DNM3: variants seen among roughly 807,000 people sequenced by gnomAD.
DNM3 encodes the protein dynamin 3, also known as dynamin-3.
A neutral mutation model predicts 101.6 loss-of-function variants in DNM3; 47 were observed. The ratio of observed to expected loss-of-function variants is 0.46; its 90% CI spans 0.37 to 0.59. The LOEUF is 0.59. DNM3 is among the 20% of genes least tolerant of loss of function. The pLI, the probability that DNM3 is intolerant of heterozygous loss-of-function variation, is 0.00. For synonymous variants in DNM3, 385 were observed against 387.9 expected (o/e 0.99, Z 0.09); for missense variants, 849 against 1,085.7 (o/e 0.78, Z 3.06).
chr1:172,007,773 A>G lies in DNM3; in HGVS notation c.589+18625A>G, dbSNP rs2046794252. 2.0e-5 allele frequency among the ~76,000 whole-genome samples: 3 copies of G among 152,020 alleles called. No homozygotes were observed. The South Asian group carries it at 6.2e-4, about 32-fold the overall frequency. ...TAGTTTTAGGTTTTAAAAAAGTTTA[A>G]TTTATTTATTTGAGACAGGGTATTG... On this transcript the variant is annotated intron_variant, in intron 4 of 20. Coordinates refer to ENST00000627582, the MANE Select transcript of DNM3 (RefSeq NM_015569.5).
chr1:172,040,315 T>C (rs1370665171), intron 7 of DNM3, among the ~76,000 whole-genome samples: 1 of 152,170 alleles, frequency 6.6e-6, no homozygotes, highest in Non-Finnish European at 1.5e-5. Flanking sequence ...CTAAATAATT[T>C]GCAGCTACTT....
At chr1:172,343,190 G>A (rs1320571620) in intron 17 of DNM3, among the ~76,000 whole-genome samples, 1 of 152,160 alleles carries the variant, frequency 6.6e-6, no homozygotes, top group African/African-American at 2.4e-5. Context: ...ATTCTGGGCA[G>A]GGGGTTGGGG....
intron 13 of DNM3, among the ~76,000 whole-genome samples, chr1:172,109,946 C>T (rs1051862181): frequency 6.6e-6 from 1 of 152,184 alleles, no homozygotes. Context: ...ACACTCTACC[C>T]TGAGACATTC....
At chr1:171,879,563 C>T (rs1011889590) in intron 1 of DNM3, among the ~76,000 whole-genome samples, 6 of 152,088 alleles carry the variant, frequency 3.9e-5, no homozygotes, top group African/African-American at 1.4e-4. Flanking sequence ...AAAACAAAAG[C>T]ATTTACCATA....
At chr1:171,920,270 G>A (rs2125316661) in intron 1 of DNM3, among the ~76,000 whole-genome samples, 1 of 152,300 alleles carries the variant, frequency 6.6e-6, no homozygotes, top group Non-Finnish European at 1.5e-5. Context: ...TTTATAAGCT[G>A]CTGTTCATTG....
At chr1:172,317,278 A>G (rs2065426824) in intron 16 of DNM3, among the ~76,000 whole-genome samples, 1 of 151,886 alleles carries the variant, frequency 6.6e-6, no homozygotes, top group Non-Finnish European at 1.5e-5. Flanking sequence ...TGCCCATAAG[A>G]GAAAGCAGGA....
chr1:172,126,150 G>T (rs1260313273), intron 13 of DNM3, among the ~76,000 whole-genome samples: 1 of 152,100 alleles, frequency 6.6e-6, no homozygotes, highest in Non-Finnish European at 1.5e-5. Context: ...ATTTTGAGCT[G>T]ATTGTTATCA....
At chr1:172,030,122 A>C (rs1254043888) in intron 4 of DNM3, among the ~76,000 whole-genome samples, 1 of 152,174 alleles carries the variant, frequency 6.6e-6, no homozygotes, top group Non-Finnish European at 1.5e-5. Flanking sequence ...AAAAAGAACA[A>C]AGCTGGAGGC....
At chr1:172,061,402 T>C (rs1017628817) in intron 10 of DNM3, among the ~76,000 whole-genome samples, 23 of 150,894 alleles carry the variant, frequency 1.5e-4, no homozygotes, top group African/African-American at 5.1e-4. Flanking sequence ...TGCACATGTA[T>C]GTTTATTGCA....
intron 14 of DNM3, among the ~76,000 whole-genome samples, chr1:172,218,334 A>G (rs17277372): frequency 0.22 from 33,825 of 152,024 alleles, 4,469 homozygotes; most frequent in Middle Eastern, 0.34. Context: ...GATTATGTAC[A>G]TGAAGATTTT....
At chr1:172,240,137 A>G (rs1461481631) in intron 14 of DNM3, among the ~76,000 whole-genome samples, 1 of 152,128 alleles carries the variant, frequency 6.6e-6, no homozygotes, top group East Asian at 1.9e-4. Flanking sequence ...CTTTTCAAAG[A>G]AACTATGTTC....
chr1:172,269,384 G>C (rs1006560684), intron 15 of DNM3, among the ~76,000 whole-genome samples: 1 of 152,110 alleles, frequency 6.6e-6, no homozygotes, highest in Admixed American at 6.5e-5. Flanking sequence ...GCCTCCATTT[G>C]GAAACCATAG....
At chr1:172,400,950 G>C in intron 20 of DNM3, among the ~76,000 whole-genome samples, 1 of 152,234 alleles carries the variant, frequency 6.6e-6, no homozygotes, top group East Asian at 1.9e-4. Context: ...TAGGACTCCA[G>C]ATGTTTCTGA....
At chr1:172,211,499 T>C (rs1482191510) in intron 14 of DNM3, among the ~76,000 whole-genome samples, 3 of 152,126 alleles carry the variant, frequency 2.0e-5, no homozygotes, top group African/African-American at 7.2e-5. Flanking sequence ...AGAAATCTCC[T>C]CCACAATGAA....
intron 15 of DNM3, among the ~76,000 whole-genome samples, chr1:172,306,544 G>A (rs576403913): frequency 9.9e-5 from 15 of 152,094 alleles, no homozygotes; most frequent in Non-Finnish European, 1.3e-4. Flanking sequence ...AAGTTCATAT[G>A]GAACCAAAAA....
chr1:171,922,554 C>A (rs1479077194), intron 2 of DNM3, among the ~76,000 whole-genome samples: 1 of 152,108 alleles, frequency 6.6e-6, no homozygotes, highest in Non-Finnish European at 1.5e-5. Context: ...GTTTACATAC[C>A]ATACAACTTG....
intron 13 of DNM3, among the ~76,000 whole-genome samples, chr1:172,124,796 G>A (rs2056528622): frequency 6.6e-6 from 1 of 152,186 alleles, no homozygotes; most frequent in African/African-American, 2.4e-5. Flanking sequence ...AGAGTGCATT[G>A]TGGTATGTAC....
intron 11 of DNM3, among the ~76,000 whole-genome samples, chr1:172,074,713 T>C (rs1275109332): frequency 6.6e-6 from 1 of 152,236 alleles, no homozygotes; most frequent in Non-Finnish European, 1.5e-5. Flanking sequence ...ATCCAGTGTA[T>C]CATTGATGGC....
chr1:172,328,204 T>C (rs1453845114), intron 17 of DNM3, among the ~76,000 whole-genome samples: 1 of 152,266 alleles, frequency 6.6e-6, no homozygotes, highest in African/African-American at 2.4e-5. Flanking sequence ...TGAAGTGACC[T>C]CTCTAGTTAA....
Sources: allele counts gnomAD v4.1 joint callset (sites outside exome capture counted in the v4.1 genomes callset), GRCh38; gene constraint gnomAD v4.1.1; transcripts MANE v1.5; gene names NCBI Gene and HGNC (gene_info 2026-07-23, HGNC 2026-07-21).